The following DST variants were observed in gnomAD, a reference collection of about 807,000 sequenced individuals.
DST encodes bullous pemphigoid antigen.
DST carries 253 observed loss-of-function variants against 875.2 expected under a neutral mutation model. The ratio of observed to expected loss-of-function variants is 0.29; its 90% CI spans 0.26 to 0.32. DST has a LOEUF of 0.32. Ranked by LOEUF, DST falls within the 10% of genes least tolerant of loss-of-function variation. The pLI, the probability that DST is intolerant of heterozygous loss-of-function variation, is 1.00. For missense variants in DST, 8,287 were observed against 9,111.6 expected, an observed-to-expected ratio of 0.91 and a Z score of 3.68; for synonymous variants, 3,124 against 3,197.1, an observed-to-expected ratio of 0.98 and a Z score of 0.77.
intron 9 of DST, chr6:56,693,360 T>C: frequency 8.8e-7 from 1 of 1,142,706 alleles, no homozygotes; most frequent in African/African-American, 1.6e-5. Flanking sequence ...CCGTGTCTCA[T>C]TAGACACTGT....
chr6:56,954,718 C>A lies in DST; in HGVS notation c.-131G>T. The A allele has an allele frequency of 2.3e-6, 1 of 440,562 alleles. No individual in the cohort carries two copies. The highest frequency in any genetic ancestry group is 3.1e-6 in the Non-Finnish European group (1 of 323,140). The allele number at this position is 440,562 out of a possible 1,614,324, so 27.3% of individuals were successfully genotyped here. On this transcript the variant is annotated 5_prime_UTR_variant, in exon 1 of 104. Transcript: ENST00000680361. The stretch of plus-strand genomic sequence containing the variant: ...AGCGCGTCATGCCTGGCGCTCGCGG[C>A]CCCGCGCCCAGCCCAATGGCTGCGC...
At chr6:56,935,755 G>A (rs1297365897) in intron 2 of DST, among the ~76,000 whole-genome samples, 6 of 151,966 alleles carry the variant, frequency 3.9e-5, no homozygotes, top group South Asian at 2.1e-4. Flanking sequence ...GTGAAAACCC[G>A]TCTCTACTAA....
At position 56,851,446 on chromosome 6, in the gene DST, T is replaced by G; in HGVS notation, c.576A>C (p.Gln192His). The G allele has an allele frequency of 1.2e-6, 2 of 1,613,940 alleles. No homozygotes were observed. The highest frequency in any genetic ancestry group is 1.7e-6 in the Non-Finnish European group (2 of 1,179,894). Residue 192 changes from glutamine (Q) to histidine (H), a missense_variant, in exon 4 of 104, where the codon CAA becomes CAC. This residue lies in a region of DST where 1,160 missense variants were observed against 1,424.3 expected (regional missense o/e 0.81). Transcript: ENST00000680361. ...PKHERSKRKI[Q>H]GGSVLDPAER... Reference sequence around the variant, plus strand: ...CGGCAGGGTCCAGCACTGAGCCCCCTTGAATCTTTCTTTTCGATCTCTCAT... The same window carrying G: ...CGGCAGGGTCCAGCACTGAGCCCCCGTGAATCTTTCTTTTCGATCTCTCAT...
In DST at chr6:56,687,186, AAAACGTT is replaced by A. The variant is rs780604506; in HGVS notation, c.1047+12460_1047+12466del. Among the ~76,000 whole-genome samples the A allele has an allele frequency of 1.2e-3, 183 of 152,386 alleles. 2 individuals are homozygous for A. Among genetic ancestry groups the A allele is most frequent in the Non-Finnish European group, 1.5e-3 (100 of 68,042 alleles). The stretch of plus-strand genomic sequence containing the variant: ...CTATTGATTCAGAGGTTTACATACA[AAAACGTT>A]AACAAATGAAAATTCAATCCCTTTA... On this transcript the variant is annotated intron_variant, in intron 9 of 103. Coordinates refer to ENST00000680361, the MANE Select transcript of DST (RefSeq NM_001374736.1).
chr6:56,743,233 C>CT (rs1374451818), intron 4 of DST, among the ~76,000 whole-genome samples: 1 of 152,026 alleles, frequency 6.6e-6, no homozygotes, highest in Non-Finnish European at 1.5e-5. Context: ...ACCAATAGAC[C>CT]TTCCTGAATA....
intron 9 of DST, among the ~76,000 whole-genome samples, chr6:56,671,477 A>C (rs2099101322): frequency 6.6e-6 from 1 of 152,216 alleles, no homozygotes; most frequent in Non-Finnish European, 1.5e-5. Flanking sequence ...GCTCAACCTG[A>C]AACCTTTATC....
chr6:56,690,526 G>A lies in DST; in HGVS notation c.1047+9127C>T, dbSNP rs561550700. Among the ~76,000 whole-genome samples the A allele has an allele frequency of 5.9e-5, 9 of 152,270 alleles. No homozygotes were observed. The South Asian group carries it at 1.9e-3, about 32-fold the overall frequency. ...AATGATGAATGTCACAGGACTAGGG[G>A]AGATCAAGTCAGGTTAAGATAAGCT... On this transcript the variant is annotated intron_variant, in intron 9 of 103. Coordinates refer to ENST00000680361, the MANE Select transcript of DST (RefSeq NM_001374736.1).
intron 93 of DST, among the ~76,000 whole-genome samples, chr6:56,473,107 T>G (rs1159126995): frequency 6.6e-6 from 1 of 152,160 alleles, no homozygotes. Flanking sequence ...CTTCTACAGA[T>G]GAGGAAACTG....
intron 2 of DST, among the ~76,000 whole-genome samples, chr6:56,942,795 A>G (rs1817354700): frequency 7.0e-6 from 1 of 142,282 alleles, no homozygotes; most frequent in Non-Finnish European, 1.5e-5. Context: ...GGCTCACTGT[A>G]GCTTCGAACT....
intron 69 of DST, among the ~76,000 whole-genome samples, chr6:56,522,838 CA>C (rs2096732197): frequency 6.6e-6 from 1 of 151,134 alleles, no homozygotes; most frequent in South Asian, 2.1e-4. Context: ...TTATAAGAAG[CA>C]AAGGATGATG....
At chr6:56,460,548 T>G in intron 102 of DST, 2 of 251,390 alleles carry the variant, frequency 8.0e-6, no homozygotes, top group East Asian at 1.6e-4. Flanking sequence ...CAAGGAGAAA[T>G]AAATGGTGAG....
chr6:56,519,507 C>T (rs2096656114), intron 69 of DST, among the ~76,000 whole-genome samples: 1 of 152,066 alleles, frequency 6.6e-6, no homozygotes, highest in Non-Finnish European at 1.5e-5. Context: ...TGGGCTTCCA[C>T]CCCCACTAAG....
At position 56,635,574 on chromosome 6, in the gene DST, G is replaced by A; in HGVS notation, c.3186+15C>T. The A allele has an allele frequency of 6.2e-7, 1 of 1,613,484 alleles. No individual in the cohort carries two copies. The highest frequency in any genetic ancestry group is 8.5e-7 in the Non-Finnish European group (1 of 1,179,606). On this transcript the variant is annotated intron_variant, in intron 24 of 103. Transcript: ENST00000680361. ...TTATGCATACTTATAAAATGCATAG[G>A]TTTTGTATTAGTACCATTGATTCCT...
chr6:56,696,962 A>C (rs1024650710), intron 9 of DST, among the ~76,000 whole-genome samples: 1 of 152,038 alleles, frequency 6.6e-6, no homozygotes, highest in African/African-American at 2.4e-5. Context: ...TTTCCGATAA[A>C]ATCAGTGATC....
intron 4 of DST, chr6:56,843,646 G>C: frequency 1.5e-5 from 15 of 984,118 alleles, no homozygotes; most frequent in Non-Finnish European, 1.7e-5. Context: ...CGGCGCATCT[G>C]CGGCATTTCC....
chr6:56,837,248 AAATAC>A (rs1271922108), intron 4 of DST, among the ~76,000 whole-genome samples: 1 of 152,220 alleles, frequency 6.6e-6, no homozygotes, highest in African/African-American at 2.4e-5. Flanking sequence ...CTTTTCTAAT[AAATAC>A]ATACTACAAG....
rs187652380 is a variant in DST, at chr6:56,487,154, C to G, written c.20997G>C (p.Leu6999=). Residue 6999 remains leucine (L), a synonymous_variant, in exon 87 of 104, where the codon CTG becomes CTC. Coordinates refer to ENST00000680361, the MANE Select transcript of DST (RefSeq NM_001374736.1). ...TATCCCATTTGTCTCTGAGTTCACT[C>G]AGCATGTCATCCAGTTTCAGGTTGT... The part of the protein sequence containing the change: ...ADDNLKLDDM[L]SELRDKWDTI... The G allele has an allele frequency of 3.7e-6, 6 of 1,613,956 alleles. No homozygotes were observed. Among genetic ancestry groups the G allele is most frequent in the Non-Finnish European group, 5.1e-6 (6 of 1,179,860 alleles).
chr6:56,690,379 T>C (rs1337576856), intron 9 of DST, among the ~76,000 whole-genome samples: 1 of 152,134 alleles, frequency 6.6e-6, no homozygotes, highest in Non-Finnish European at 1.5e-5. Flanking sequence ...ATATAACATG[T>C]TGATAACATT....
chr6:56,891,050 C>T (rs1480318056), intron 3 of DST, among the ~76,000 whole-genome samples: 1 of 152,214 alleles, frequency 6.6e-6, no homozygotes, highest in African/African-American at 2.4e-5. Flanking sequence ...CTCTAGCAGG[C>T]ACTACTGGCT....
Sources: allele counts gnomAD v4.1 joint callset (sites outside exome capture counted in the v4.1 genomes callset), GRCh38; gene constraint gnomAD v4.1.1; regional missense constraint gnomAD v4.1.1; transcripts MANE v1.5; gene names NCBI Gene and HGNC (gene_info 2026-07-23, HGNC 2026-07-21).